Variants in TPTE2 observed in about 807,000 individuals in gnomAD.
TPTE2 encodes transmembrane phosphoinositide 3-phosphatase and tensin homolog 2, also known as phosphatidylinositol 3,4,5-trisphosphate 3-phosphatase TPTE2.
TPTE2 carries 53 observed loss-of-function variants against 78.6 expected under a neutral mutation model. The observed-to-expected ratio is 0.67, with a 90% CI of 0.54 to 0.85. The LOEUF is 0.85. TPTE2 is among the 40% of genes least tolerant of loss of function. The pLI is 0.00. For missense variants in TPTE2, 461 were observed against 623.0 expected (o/e 0.74, Z 2.77); for synonymous variants, 175 against 206.2 (o/e 0.85, Z 1.30).
the TPTE2 span, among the ~76,000 whole-genome samples, chr13:19,547,354 T>TA: frequency 6.6e-6 from 1 of 152,216 alleles, no homozygotes; most frequent in Non-Finnish European, 1.5e-5. Flanking sequence ...TATCAGTTTT[T>TA]ATCCAGAACA....
chr13:19,496,337 C>T (rs750754233), intron 1 of TPTE2, among the ~76,000 whole-genome samples: 5 of 152,246 alleles, frequency 3.3e-5, no homozygotes, highest in Non-Finnish European at 5.9e-5. Context: ...CCAAAACTCT[C>T]TACCACTGGA....
Position 19,515,754 on chromosome 13 carries a change from A to C in TPTE2, c.-43-12477T>G, listed in dbSNP as rs558993082. Among the ~76,000 whole-genome samples, 19 of 152,332 alleles carry C rather than the reference A, an allele frequency of 1.2e-4. No homozygotes were observed. In the South Asian group the frequency reaches 3.9e-3, roughly 32 times the overall value. On this transcript the variant is annotated intron_variant, in intron 1 of 17. Coordinates refer to the TPTE2 transcript ENST00000390680. The stretch of plus-strand genomic sequence containing the variant: ...AAGGGAAAATGTTCAAAACACCAAA[A>C]AGGTAAGAATTTGAGTTTCTGACAT...
At chr13:19,528,962 T>G (rs1870694828) in intron 1 of TPTE2, among the ~76,000 whole-genome samples, 1 of 151,578 alleles carries the variant, frequency 6.6e-6, no homozygotes, top group East Asian at 1.9e-4. Context: ...CTACTAAAAA[T>G]AAAAAAATTA....
At chr13:19,446,809 T>C (rs1254017784) in intron 13 of TPTE2, among the ~76,000 whole-genome samples, 2 of 152,060 alleles carry the variant, frequency 1.3e-5, no homozygotes, top group Admixed American at 6.6e-5. Flanking sequence ...GGCATGGTGA[T>C]GCTCACCTGT....
At chr13:19,533,266 T>C (rs1870993631) in intron 1 of TPTE2, among the ~76,000 whole-genome samples, 2 of 152,174 alleles carry the variant, frequency 1.3e-5, no homozygotes, top group South Asian at 4.1e-4. Context: ...TTGAAGCTAT[T>C]AGGTGTAGGA....
At chr13:19,454,137 A>C (rs925850861) in intron 10 of TPTE2, among the ~76,000 whole-genome samples, 13 of 152,090 alleles carry the variant, frequency 8.5e-5, no homozygotes, top group African/African-American at 3.1e-4. Context: ...TGCTTCTCTA[A>C]AGTTTTTGCT....
At chr13:19,522,698 C>G (rs1057037317) in intron 1 of TPTE2, among the ~76,000 whole-genome samples, 1 of 144,196 alleles carries the variant, frequency 6.9e-6, no homozygotes, top group Non-Finnish European at 1.5e-5. Context: ...TCTCGGCTCA[C>G]TACAAGCTCT....
At chr13:19,430,672 C>T in intron 16 of TPTE2, 125 bp from the exon 20 acceptor site, 1 of 644,110 alleles carries the variant, frequency 1.6e-6, no homozygotes, top group Non-Finnish European at 2.7e-6. Flanking sequence ...TCAATAGTTA[C>T]TTATTTGGTC....
At chr13:19,480,706 CTAA>C (rs1377712056) in intron 4 of TPTE2, among the ~76,000 whole-genome samples, 2 of 152,110 alleles carry the variant, frequency 1.3e-5, no homozygotes, top group Non-Finnish European at 2.9e-5. Context: ...AATATATTTA[CTAA>C]TATCAGAGAA....
intron 1 of TPTE2, among the ~76,000 whole-genome samples, chr13:19,496,016 C>G (rs1881289676): frequency 6.6e-6 from 1 of 152,044 alleles, no homozygotes; most frequent in Non-Finnish European, 1.5e-5. Flanking sequence ...CTACAGGTGC[C>G]CGCCACCACA....
chr13:19,467,201 A>T, intron 7 of TPTE2, 24 bp downstream of exon 10: 3 of 1,557,554 alleles, frequency 1.9e-6, no homozygotes, highest in Non-Finnish European at 2.6e-6. Flanking sequence ...AAACTTTAAG[A>T]GAGGTAAGTC....
At chr13:19,544,082 A>AAAAAAAAAAACAAAAAAAAAAAAG in the TPTE2 span, among the ~76,000 whole-genome samples, 1 of 140,496 alleles carries the variant, frequency 7.1e-6, no homozygotes, top group African/African-American at 2.6e-5. Flanking sequence ...AAAAAAAAAA[A>AAAAAAAAAAACAAAAAAAAAAAAG]GCCAAGAAAA....
intron 13 of TPTE2, among the ~76,000 whole-genome samples, chr13:19,446,118 T>A (rs1838776794): frequency 6.6e-6 from 1 of 152,206 alleles, no homozygotes; most frequent in Non-Finnish European, 1.5e-5. Context: ...ACAAGATGAT[T>A]CACATGTACA....
At chr13:19,526,712 CTAAAA>C (rs1483763406) in intron 1 of TPTE2, among the ~76,000 whole-genome samples, 1 of 150,992 alleles carries the variant, frequency 6.6e-6, no homozygotes, top group African/African-American at 2.4e-5. Context: ...ACCCTTGAAC[CTAAAA>C]TAAAAGTTAA....
intron 13 of TPTE2, among the ~76,000 whole-genome samples, chr13:19,442,618 A>C (rs1399821465): frequency 6.6e-6 from 1 of 152,076 alleles, no homozygotes; most frequent in Non-Finnish European, 1.5e-5. Context: ...AATAAGGCCA[A>C]AAATTTGGTT....
At chr13:19,528,555 TATAAC>T (rs1870666014) in intron 1 of TPTE2, among the ~76,000 whole-genome samples, 1 of 152,236 alleles carries the variant, frequency 6.6e-6, no homozygotes, top group Non-Finnish European at 1.5e-5. Flanking sequence ...AACACATCCT[TATAAC>T]ATAACAGGTA....
At position 19,492,746 on chromosome 13, in the gene TPTE2, G is replaced by A; in HGVS notation, c.119+104C>T. ...TTTGTGTAAATGTGTTGACAAAAGTGTGTATGGATGAAGATGGATGGATAT... is the reference window on the plus strand; with the variant it reads ...TTTGTGTAAATGTGTTGACAAAAGTATGTATGGATGAAGATGGATGGATAT... On this transcript the variant is annotated intron_variant, in intron 3 of 19. Transcript: ENST00000400230. 2.0e-6 allele frequency: 3 copies of A among 1,485,082 alleles called. No homozygotes were observed. In the South Asian group the frequency reaches 3.7e-5, roughly 18 times the overall value. The allele number at this position is 1,485,082 out of a possible 1,614,324, so 92.0% of individuals were successfully genotyped here.
intron 13 of TPTE2, among the ~76,000 whole-genome samples, chr13:19,440,459 A>G (rs1877415233): frequency 6.6e-6 from 1 of 152,230 alleles, no homozygotes; most frequent in African/African-American, 2.4e-5. Context: ...ACTAGGAATC[A>G]AAGGAACATA....
intron 1 of TPTE2, among the ~76,000 whole-genome samples, chr13:19,498,330 C>G (rs1199410239): frequency 1.3e-5 from 2 of 151,568 alleles, no homozygotes; most frequent in Non-Finnish European, 2.9e-5. Context: ...AAGAGCAACT[C>G]CAAGACACAT....
Sources: gnomAD v4.1 joint callset for allele counts (sites outside exome capture counted in the v4.1 genomes callset) on GRCh38, gnomAD v4.1.1 for gene constraint, MANE v1.5 for transcripts, NCBI Gene and HGNC (gene_info 2026-07-23, HGNC 2026-07-21) for gene names.